Variants in KCNB2 observed in about 807,000 individuals in gnomAD.
KCNB2 encodes the protein potassium voltage-gated channel subfamily B member 2.
KCNB2 carries 15 observed loss-of-function variants against 61.5 expected under a neutral mutation model. The observed-to-expected ratio is 0.24, with a 90% CI of 0.16 to 0.38. The LOEUF (loss-of-function observed/expected upper bound fraction) is 0.38, where lower values mean the gene tolerates loss of function less well. Ranked by LOEUF, KCNB2 falls within the 10% of genes least tolerant of loss-of-function variation. The pLI, the probability that KCNB2 is intolerant of heterozygous loss-of-function variation, is 1.00. For synonymous variants in KCNB2, 457 were observed against 446.0 expected (o/e 1.02, Z -0.31); for missense variants, 828 against 1,125.2 (o/e 0.74, Z 3.78).
intron 2 of KCNB2, among the ~76,000 whole-genome samples, chr8:72,839,983 C>T (rs1809853879): frequency 6.6e-6 from 1 of 151,616 alleles, no homozygotes; most frequent in African/African-American, 2.4e-5. Flanking sequence ...CATAGTTATA[C>T]ACTTGCCATG....
At chr8:72,714,639 C>T (rs1437373803) in intron 2 of KCNB2, among the ~76,000 whole-genome samples, 1 of 152,102 alleles carries the variant, frequency 6.6e-6, no homozygotes, top group Non-Finnish European at 1.5e-5. Flanking sequence ...CAGGCCTGCC[C>T]TACGAGAGCT....
chr8:72,574,704 A>G (rs1473189602), intron 2 of KCNB2, among the ~76,000 whole-genome samples: 2 of 152,184 alleles, frequency 1.3e-5, no homozygotes, highest in African/African-American at 4.8e-5. Context: ...ATCATTTTCA[A>G]CGTTGAAAAA....
At chr8:72,658,075 T>C (rs1182193539) in intron 2 of KCNB2, among the ~76,000 whole-genome samples, 1 of 152,096 alleles carries the variant, frequency 6.6e-6, no homozygotes, top group African/African-American at 2.4e-5. Flanking sequence ...AAGAGTCACT[T>C]TTTCTTCACT....
At chr8:72,832,342 G>T (rs559240520) in intron 2 of KCNB2, among the ~76,000 whole-genome samples, 13 of 152,284 alleles carry the variant, frequency 8.5e-5, no homozygotes, top group African/African-American at 2.9e-4. Flanking sequence ...ACCAATAAAA[G>T]ATAATTCCCT....
intron 2 of KCNB2, among the ~76,000 whole-genome samples, chr8:72,705,021 C>A (rs1807197357): frequency 6.6e-6 from 1 of 151,832 alleles, no homozygotes; most frequent in Non-Finnish European, 1.5e-5. Flanking sequence ...CTGGTTGAAT[C>A]CTTGGATGCA....
chr8:72,894,353 A>C (rs1259488711), intron 2 of KCNB2, among the ~76,000 whole-genome samples: 1 of 152,188 alleles, frequency 6.6e-6, no homozygotes, highest in Non-Finnish European at 1.5e-5. Context: ...GCACAAGGCC[A>C]TGTGGGGCTT....
chr8:72,806,720 ATGTC>A, intron 2 of KCNB2, among the ~76,000 whole-genome samples: 1 of 152,346 alleles, frequency 6.6e-6, no homozygotes, highest in South Asian at 2.1e-4. Context: ...TATTTATTGA[ATGTC>A]CAGTGTGCAC....
intron 1 of KCNB2, among the ~76,000 whole-genome samples, chr8:72,547,194 C>A (rs1031999415): frequency 2.6e-5 from 4 of 152,182 alleles, no homozygotes; most frequent in African/African-American, 7.2e-5. Flanking sequence ...TGAAAAAATT[C>A]TTTTCAAAAT....
chr8:72,928,331 T>G (rs1193307979), intron 2 of KCNB2, among the ~76,000 whole-genome samples: 1 of 152,070 alleles, frequency 6.6e-6, no homozygotes, highest in Admixed American at 6.6e-5. Flanking sequence ...TAGCTGCGAC[T>G]ACAGGCACAC....
At chr8:72,543,293 A>G (rs1806215213) in intron 1 of KCNB2, among the ~76,000 whole-genome samples, 1 of 152,206 alleles carries the variant, frequency 6.6e-6, no homozygotes, top group Non-Finnish European at 1.5e-5. Context: ...GCATGCTCAG[A>G]TATAACTACA....
chr8:72,716,619 A>G (rs558416861), intron 2 of KCNB2, among the ~76,000 whole-genome samples: 3 of 152,352 alleles, frequency 2.0e-5, no homozygotes, highest in East Asian at 3.9e-4. Flanking sequence ...ACAACACTTC[A>G]TGCTAAAAAC....
intron 2 of KCNB2, among the ~76,000 whole-genome samples, chr8:72,838,222 G>C (rs1236116761): frequency 1.3e-5 from 2 of 151,994 alleles, no homozygotes; most frequent in East Asian, 1.9e-4. Flanking sequence ...CCATCAACTC[G>C]TCATTTACAT....
intron 2 of KCNB2, among the ~76,000 whole-genome samples, chr8:72,695,774 A>T (rs1364812238): frequency 2.6e-5 from 4 of 152,188 alleles, no homozygotes; most frequent in Non-Finnish European, 5.9e-5. Context: ...ACATCAGTAT[A>T]TTCATAATCC....
chr8:72,934,272 G>A (rs1806853574), intron 2 of KCNB2, among the ~76,000 whole-genome samples: 1 of 151,842 alleles, frequency 6.6e-6, no homozygotes, highest in Admixed American at 6.6e-5. Context: ...GGTGGCTGAG[G>A]TCAAGGCCAG....
At chr8:72,772,044 C>T (rs1341389474) in intron 2 of KCNB2, among the ~76,000 whole-genome samples, 1 of 152,006 alleles carries the variant, frequency 6.6e-6, no homozygotes, top group Non-Finnish European at 1.5e-5. Flanking sequence ...TGGTGATGAA[C>T]CCACCAAAAC....
At chr8:72,742,578 TG>T (rs1807980579) in intron 2 of KCNB2, among the ~76,000 whole-genome samples, 1 of 152,226 alleles carries the variant, frequency 6.6e-6, no homozygotes, top group Non-Finnish European at 1.5e-5. Context: ...ATGCCAGCTA[TG>T]GGCATCCAGG....
intron 2 of KCNB2, among the ~76,000 whole-genome samples, chr8:72,919,654 T>G (rs528523747): frequency 3.7e-4 from 56 of 152,292 alleles, no homozygotes; most frequent in African/African-American, 1.2e-3. Context: ...GACAAACTGA[T>G]TGCATTCGAC....
intron 2 of KCNB2, among the ~76,000 whole-genome samples, chr8:72,821,659 A>ACC (rs796436534): frequency 6.0e-5 from 7 of 117,006 alleles, no homozygotes; most frequent in East Asian, 3.7e-4. Flanking sequence ...AAAAAAAAAA[A>ACC]ACACACACAC....
At chr8:72,676,664 C>CTT (rs1306183782) in intron 2 of KCNB2, among the ~76,000 whole-genome samples, 1 of 151,992 alleles carries the variant, frequency 6.6e-6, no homozygotes, top group East Asian at 1.9e-4. Context: ...AAAGTATTAA[C>CTT]TATTAGCGGA....
Sources: allele counts gnomAD v4.1 joint callset (sites outside exome capture counted in the v4.1 genomes callset), GRCh38; gene constraint gnomAD v4.1.1; transcripts MANE v1.5; gene names NCBI Gene and HGNC (gene_info 2026-07-23, HGNC 2026-07-21).